TRPS1: variants seen among roughly 807,000 people sequenced by gnomAD.
The protein encoded by TRPS1 is transcriptional repressor GATA binding 1.
TRPS1 carries 6 observed loss-of-function variants against 101.2 expected under a neutral mutation model. The observed-to-expected ratio is 0.06, with a 90% confidence interval of 0.03 to 0.12. The LOEUF is 0.12. TRPS1 is among the 10% of genes least tolerant of loss of function. The probability of loss-of-function intolerance (pLI) is 1.00; values close to 1 mark genes in which losing one functional copy is unlikely to be tolerated. For missense variants in TRPS1, 1,363 were observed against 1,567.0 expected (o/e 0.87, Z 2.20); for synonymous variants, 578 against 589.8 (o/e 0.98, Z 0.29).
Position 115,410,208 on chromosome 8 carries a change from T to G in TRPS1, c.*3815A>C, listed in dbSNP as rs1812758169. 1 of 152,276 alleles carries G rather than the reference T, an allele frequency of 6.6e-6. No individual in the cohort carries two copies. The highest frequency in any genetic ancestry group is 2.1e-4 in the South Asian group (1 of 4,838). 9.4% of individuals were successfully genotyped at this position (152,276 alleles called of 1,614,324 possible). A position where few individuals can be genotyped will look rare whatever the true frequency, so the allele number is the denominator to read the frequency against. ...ATAGCCATACTGAGACTCTTCAGTTTATTAAGAAAAATGTATTTCCTCAGG... is the reference window on the plus strand; with the variant it reads ...ATAGCCATACTGAGACTCTTCAGTTGATTAAGAAAAATGTATTTCCTCAGG... On this transcript the variant is annotated 3_prime_UTR_variant, in exon 7 of 7. Coordinates refer to ENST00000395715, the MANE Select transcript of TRPS1 (RefSeq NM_014112.5).
At chr8:115,457,004 G>A (rs1814043572) in intron 5 of TRPS1, among the ~76,000 whole-genome samples, 1 of 152,146 alleles carries the variant, frequency 6.6e-6, no homozygotes. Context: ...GCTAAGGACA[G>A]GGCAGGGAAC....
intron 5 of TRPS1, among the ~76,000 whole-genome samples, chr8:115,519,119 T>G (rs1815794027): frequency 6.6e-6 from 1 of 151,752 alleles, no homozygotes; most frequent in Non-Finnish European, 1.5e-5. Context: ...TGCCTGCTAC[T>G]TTTTCGTTTT....
At chr8:115,553,767 G>T (rs1816754760) in intron 5 of TRPS1, among the ~76,000 whole-genome samples, 1 of 152,050 alleles carries the variant, frequency 6.6e-6, no homozygotes, top group South Asian at 2.1e-4. Flanking sequence ...TTTCACAGTA[G>T]CATAGAGGTA....
chr8:115,646,650 T>G (rs1410270942), intron 1 of TRPS1, among the ~76,000 whole-genome samples: 1 of 152,202 alleles, frequency 6.6e-6, no homozygotes, highest in African/African-American at 2.4e-5. Context: ...TCTTTATTAC[T>G]TGAATATTAA....
chr8:115,663,747 G>A (rs1175172235), intron 1 of TRPS1, among the ~76,000 whole-genome samples: 1 of 143,118 alleles, frequency 7.0e-6, no homozygotes, highest in East Asian at 1.9e-4. Flanking sequence ...AAAAAAACTG[G>A]GATAGCAAAA....
chr8:115,613,421 G>T (rs1284400775), intron 3 of TRPS1, among the ~76,000 whole-genome samples: 1 of 152,180 alleles, frequency 6.6e-6, no homozygotes, highest in African/African-American at 2.4e-5. Context: ...CAGAGAGACT[G>T]CATCAAAGAG....
chr8:115,583,895 T>C (rs774572923), intron 5 of TRPS1, among the ~76,000 whole-genome samples: 3 of 151,944 alleles, frequency 2.0e-5, no homozygotes, highest in Non-Finnish European at 2.9e-5. Flanking sequence ...ACACTGACCC[T>C]GACATAAGCC....
At chr8:115,472,086 C>A (rs779220455) in intron 5 of TRPS1, among the ~76,000 whole-genome samples, 5 of 152,188 alleles carry the variant, frequency 3.3e-5, no homozygotes, top group Admixed American at 2.6e-4. Context: ...CACTAGGCAG[C>A]CTCATTGGGG....
chr8:115,495,552 A>G (rs539109736), intron 5 of TRPS1, among the ~76,000 whole-genome samples: 53 of 151,430 alleles, frequency 3.5e-4, no homozygotes, highest in African/African-American at 1.1e-3. Context: ...TCCTATTCCT[A>G]TTCCTAAAGA....
At chr8:115,520,465 A>G (rs1352522600) in intron 5 of TRPS1, among the ~76,000 whole-genome samples, 2 of 151,862 alleles carry the variant, frequency 1.3e-5, no homozygotes, top group African/African-American at 4.8e-5. Flanking sequence ...TAATCTACTC[A>G]GTAGTCAAAC....
chr8:115,415,000 C>A lies in TRPS1; in HGVS notation c.2908G>T (p.Ala970Ser). 6.3e-7 allele frequency: 1 copy of A among 1,576,386 alleles called. No individual in the cohort carries two copies. The highest frequency in any genetic ancestry group is 8.6e-7 in the Non-Finnish European group (1 of 1,166,934). ...RRTRKRLNPE[A>S]LQAEQLNKQQ... ...TTGTTGAGCTGCTCAGCCTGAAGTG[C>A]CTCTGGGTTAAGGCGCTTTCTTGTT... is the stretch of plus-strand genomic sequence containing the variant. The change falls in exon 7 of 7, where the codon GCA becomes TCA. Residue 970 changes from alanine to serine, a missense_variant. Around this residue, in one of 5 missense-constraint regions of TRPS1, gnomAD observed 307 missense variants for 392.4 expected, o/e 0.78. Transcript: ENST00000395715. The surrounding 1 kb of genome is among the most constrained non-coding windows in gnomAD (Gnocchi z 4.8).
chr8:115,610,443 GAATA>G (rs1382786651), intron 3 of TRPS1, among the ~76,000 whole-genome samples: 1 of 152,104 alleles, frequency 6.6e-6, no homozygotes, highest in Non-Finnish European at 1.5e-5. Flanking sequence ...TTTTGATGGA[GAATA>G]AATGTTTCAG....
chr8:115,417,835 AC>A (rs1812958911), intron 6 of TRPS1, among the ~76,000 whole-genome samples: 1 of 152,174 alleles, frequency 6.6e-6, no homozygotes, highest in African/African-American at 2.4e-5. Flanking sequence ...TCAGTTCAGA[AC>A]TGTCCTTCCG....
At chr8:115,419,711 C>G (rs1813004585) in intron 5 of TRPS1, among the ~76,000 whole-genome samples, 1 of 152,162 alleles carries the variant, frequency 6.6e-6, no homozygotes, top group Non-Finnish European at 1.5e-5. Context: ...ACTTTCTTGG[C>G]ATTGAAAGGG....
chr8:115,490,565 A>G (rs1407925091), intron 5 of TRPS1, among the ~76,000 whole-genome samples: 1 of 152,190 alleles, frequency 6.6e-6, no homozygotes, highest in Non-Finnish European at 1.5e-5. Context: ...CTATAAACTT[A>G]GTACAATAAC....
At chr8:115,487,497 C>A (rs996580279) in intron 5 of TRPS1, among the ~76,000 whole-genome samples, 3 of 152,076 alleles carry the variant, frequency 2.0e-5, no homozygotes, top group Non-Finnish European at 4.4e-5. Flanking sequence ...TGGATCTGGG[C>A]AAAGTCAATT....
chr8:115,453,007 T>C (rs554855439), intron 5 of TRPS1, among the ~76,000 whole-genome samples: 134 of 152,224 alleles, frequency 8.8e-4, no homozygotes, highest in Admixed American at 2.0e-3. Flanking sequence ...AAAATAATTT[T>C]GCTTGTCCTC....
At chr8:115,510,983 T>C (rs1815569100) in intron 5 of TRPS1, 1 of 151,972 alleles carries the variant, frequency 6.6e-6, no homozygotes, top group South Asian at 2.1e-4. Context: ...AGTCTTATAG[T>C]AGTTTGTTTT....
chr8:115,562,763 TATATATCAAAGG>T (rs2130372450), intron 5 of TRPS1, among the ~76,000 whole-genome samples: 1 of 152,122 alleles, frequency 6.6e-6, no homozygotes, highest in South Asian at 2.1e-4. Flanking sequence ...AAAAGGAGCA[TATATATCAAAGG>T]AGAGATCAAA....
Sources: gnomAD v4.1 joint callset for allele counts (sites outside exome capture counted in the v4.1 genomes callset) on GRCh38, gnomAD v4.1.1 for gene constraint, gnomAD v4.1.1 regional missense constraint, Gnocchi (gnomAD v3.1) non-coding constraint, MANE v1.5 for transcripts, NCBI Gene and HGNC (gene_info 2026-07-23, HGNC 2026-07-21) for gene names.